PCDH11X: variants seen among roughly 807,000 people sequenced by gnomAD.
The protein encoded by PCDH11X is protocadherin 11 X-linked, also known as protocadherin-11 X-linked.
PCDH11X carries 18 observed loss-of-function variants against 53.3 expected under a neutral mutation model. The observed-to-expected ratio is 0.34, with a 90% CI of 0.23 to 0.50. The LOEUF (loss-of-function observed/expected upper bound fraction) is 0.50. PCDH11X is among the 20% of genes least tolerant of loss of function. The pLI is 0.98. For missense variants in PCDH11X, 570 were observed against 1,032.4 expected (o/e 0.55, Z 6.14); for synonymous variants, 279 against 393.3 (o/e 0.71, Z 3.44).
intron 6 of PCDH11X, among the ~76,000 whole-genome samples, chrX:92,005,666 T>A (rs915889699): frequency 6.3e-5 from 7 of 111,804 alleles, no homozygotes; most frequent in Non-Finnish European, 1.1e-4. Flanking sequence ...TAATATTCTG[T>A]ATTTTTCTGT....
At chrX:92,451,443 A>T (rs774417360) in intron 9 of PCDH11X, among the ~76,000 whole-genome samples, 75 of 111,473 alleles carry the variant, frequency 6.7e-4, no homozygotes, top group Admixed American at 2.0e-3. Context: ...TTTTTGTAAA[A>T]TTATCTATTT....
intron 6 of PCDH11X, among the ~76,000 whole-genome samples, chrX:91,935,991 A>ATGT (rs1400430301): frequency 9.4e-6 from 1 of 106,503 alleles, no homozygotes; most frequent in East Asian, 3.0e-4. Flanking sequence ...TAGATTGTTG[A>ATGT]TGTTTCTTAC....
chrX:92,363,534 C>T (rs2070393853), intron 8 of PCDH11X, among the ~76,000 whole-genome samples: 1 of 55,086 alleles, frequency 1.8e-5, no homozygotes, highest in Non-Finnish European at 4.2e-5. Flanking sequence ...CTTATTAGTT[C>T]TAACAGGTTT....
intron 10 of PCDH11X, among the ~76,000 whole-genome samples, chrX:92,551,430 T>A (rs1335498447): frequency 7.5e-5 from 8 of 106,355 alleles, no homozygotes; most frequent in Non-Finnish European, 1.2e-4. Context: ...CCTATAGACT[T>A]GTTTGAACTC....
chrX:91,906,645 A>G (rs1434469293), intron 6 of PCDH11X, among the ~76,000 whole-genome samples: 1 of 111,820 alleles, frequency 8.9e-6, no homozygotes, highest in Non-Finnish European at 1.9e-5. Context: ...GCTTATCCAC[A>G]TATTTGAAAT....
At chrX:92,010,200 T>C (rs2062666425) in intron 6 of PCDH11X, among the ~76,000 whole-genome samples, 1 of 110,028 alleles carries the variant, frequency 9.1e-6, no homozygotes, top group South Asian at 3.9e-4. Context: ...TTCTCTTTCA[T>C]CAAAATAAGC....
intron 6 of PCDH11X, among the ~76,000 whole-genome samples, chrX:92,050,893 A>G (rs1393361315): frequency 1.8e-5 from 2 of 109,600 alleles, no homozygotes; most frequent in African/African-American, 6.6e-5. Context: ...TTTACATCTC[A>G]ATGTAATAAA....
At chrX:92,468,630 A>G (rs9919112) in intron 10 of PCDH11X, among the ~76,000 whole-genome samples, 10,906 of 108,423 alleles carry the variant, frequency 0.1, 449 homozygotes, top group Middle Eastern at 0.14. Context: ...CTATGAATTT[A>G]TTATTCATTT....
intron 6 of PCDH11X, among the ~76,000 whole-genome samples, chrX:92,053,972 C>A (rs2063403659): frequency 9.0e-6 from 1 of 111,552 alleles, no homozygotes; most frequent in Admixed American, 9.5e-5. Flanking sequence ...CCCCATTTTT[C>A]AAATGAGGAA....
At chrX:91,814,479 G>T (rs1832892175) in intron 4 of PCDH11X, among the ~76,000 whole-genome samples, 4 of 105,727 alleles carry the variant, frequency 3.8e-5, no homozygotes, top group Non-Finnish European at 5.8e-5. Context: ...TTGTTGCCAA[G>T]CTGGGAACAA....
chrX:92,553,337 C>A (rs747340933), intron 10 of PCDH11X, among the ~76,000 whole-genome samples: 5 of 107,630 alleles, frequency 4.6e-5, no homozygotes, highest in Admixed American at 4.0e-4. Context: ...TTGTCTATTT[C>A]TTCTAGATTT....
At chrX:92,238,765 A>C (rs2067213516) in intron 7 of PCDH11X, among the ~76,000 whole-genome samples, 1 of 111,680 alleles carries the variant, frequency 9.0e-6, no homozygotes, top group Non-Finnish European at 1.9e-5. Flanking sequence ...ATGCCTAAAA[A>C]TAATAAGTGC....
intron 1 of PCDH11X, among the ~76,000 whole-genome samples, chrX:91,781,834 G>C (rs1285765872): frequency 8.9e-6 from 1 of 112,574 alleles, no homozygotes; most frequent in African/African-American, 3.2e-5. Flanking sequence ...ACCGAGAGAT[G>C]GATGCGCTAA....
chrX:92,046,647 G>A (rs2476055), intron 6 of PCDH11X, among the ~76,000 whole-genome samples: 1 of 109,752 alleles, frequency 9.1e-6, no homozygotes, highest in Non-Finnish European at 1.9e-5. Context: ...CAAGGAAAAT[G>A]GTACTATTTT....
At chrX:92,113,463 G>T in intron 6 of PCDH11X, 8 of 1,203,865 alleles carry the variant, frequency 6.6e-6, no homozygotes, top group Non-Finnish European at 8.9e-6. Flanking sequence ...CAATGCCTCT[G>T]GCCAGCAGGT....
chrX:91,804,943 G>C (rs1936050521), intron 1 of PCDH11X, among the ~76,000 whole-genome samples: 1 of 100,792 alleles, frequency 9.9e-6, no homozygotes, highest in African/African-American at 3.6e-5. Flanking sequence ...TAGTAAAATG[G>C]TCAGGAAAAA....
At chrX:92,175,222 C>T (rs191770059) in intron 6 of PCDH11X, among the ~76,000 whole-genome samples, 544 of 111,450 alleles carry the variant, frequency 4.9e-3, no homozygotes, top group African/African-American at 0.017. Context: ...GGTGATCCAC[C>T]CGCCTCGGCC....
At chrX:92,457,646 T>C (rs1243449207) in intron 9 of PCDH11X, among the ~76,000 whole-genome samples, 2 of 108,106 alleles carry the variant, frequency 1.9e-5, no homozygotes, top group Non-Finnish European at 3.9e-5. Flanking sequence ...AAATAATCAA[T>C]TTATTTGGAG....
chrX:92,412,401 A>G (rs1266073634), intron 9 of PCDH11X, among the ~76,000 whole-genome samples: 17 of 105,986 alleles, frequency 1.6e-4, no homozygotes, highest in African/African-American at 5.5e-4. Context: ...TAGTTGCCCA[A>G]TTGTACGTCT....
Sources: gnomAD v4.1 joint callset for allele counts (sites outside exome capture counted in the v4.1 genomes callset) on GRCh38, gnomAD v4.1.1 for gene constraint, MANE v1.5 for transcripts, NCBI Gene and HGNC (gene_info 2026-07-23, HGNC 2026-07-21) for gene names.